EIF4G3: variants seen among roughly 807,000 people sequenced by gnomAD.
The protein encoded by EIF4G3 is eIF-4-gamma 3.
EIF4G3 carries 34 observed loss-of-function variants against 186.4 expected under a neutral mutation model. The observed-to-expected ratio is 0.18, with a 90% CI of 0.14 to 0.24. The LOEUF is 0.24. Among genes scored for constraint, EIF4G3 ranks in the 10% least tolerant of loss-of-function variants. The pLI, the probability that EIF4G3 is intolerant of heterozygous loss-of-function variation, is 1.00. For synonymous variants in EIF4G3, 673 were observed against 679.5 expected, an observed-to-expected ratio of 0.99 and a Z score of 0.15; for missense variants, 1,536 against 1,948.5, an observed-to-expected ratio of 0.79 and a Z score of 3.99.
intron 18 of EIF4G3, among the ~76,000 whole-genome samples, chr1:20,891,352 G>T (rs1326906968): frequency 6.6e-6 from 1 of 151,662 alleles, no homozygotes; most frequent in Non-Finnish European, 1.5e-5. Flanking sequence ...ATTATCCACA[G>T]AATATTCAAA....
intron 31 of EIF4G3, among the ~76,000 whole-genome samples, chr1:20,828,896 G>A (rs1299675143): frequency 2.0e-5 from 3 of 152,114 alleles, no homozygotes; most frequent in Non-Finnish European, 2.9e-5. Context: ...CCAGTTACAC[G>A]ATTCTGGAGC....
Position 21,176,886 on chromosome 1 carries a change from G to T in EIF4G3, c.-620C>A. On this transcript the variant is annotated 5_prime_UTR_variant, in exon 1 of 37. Coordinates refer to ENST00000602326, the MANE Select transcript of EIF4G3 (RefSeq NM_001391906.1). ...GCGCTGTGGCCGCCTCCAGCAGTCCGGCAGGACGGCTGCTCGGAAAACTTC... is the reference window on the plus strand; with the variant it reads ...GCGCTGTGGCCGCCTCCAGCAGTCCTGCAGGACGGCTGCTCGGAAAACTTC... 1 of 692,392 alleles carries T rather than the reference G, an allele frequency of 1.4e-6. No individual in the cohort carries two copies. Among genetic ancestry groups the T allele is most frequent in the Non-Finnish European group, 2.6e-6 (1 of 379,442 alleles). The allele number at this position is 692,392 out of a possible 1,614,324, so 42.9% of individuals were successfully genotyped here.
chr1:20,866,077 C>T (rs780032340), intron 20 of EIF4G3, among the ~76,000 whole-genome samples: 1 of 152,156 alleles, frequency 6.6e-6, no homozygotes, highest in Non-Finnish European at 1.5e-5. Flanking sequence ...ACAGCTATTT[C>T]ATAATATGAT....
chr1:20,874,534 C>A (rs780421628), intron 20 of EIF4G3, among the ~76,000 whole-genome samples: 7 of 152,054 alleles, frequency 4.6e-5, no homozygotes, highest in Non-Finnish European at 1.5e-5. Flanking sequence ...ATTTTCATTT[C>A]TATGAACTGC....
rs574834202 is a variant in EIF4G3 at position 21,141,501 on chromosome 1, A to G, written c.-272+34674T>C. On this transcript the variant is annotated intron_variant, in intron 2 of 36. Transcript: ENST00000602326. The stretch of plus-strand genomic sequence containing the variant: ...AAGAGAAAAAAAAAAAAAAAACAAG[A>G]TCCTGCTTACTTAGTAATTACAACA... Among the ~76,000 whole-genome samples the G allele has an allele frequency of 1.2e-4, 18 of 151,542 alleles. 1 individual carries two copies. The South Asian group carries it at 3.7e-3, about 32-fold the overall frequency.
chr1:21,055,177 T>C (rs1023064506), intron 3 of EIF4G3, among the ~76,000 whole-genome samples: 3 of 152,170 alleles, frequency 2.0e-5, no homozygotes, highest in Non-Finnish European at 4.4e-5. Flanking sequence ...ACAACAAAGC[T>C]TATGAATTTA....
intron 4 of EIF4G3, among the ~76,000 whole-genome samples, chr1:21,017,365 A>G (rs1229202431): frequency 1.3e-5 from 2 of 152,088 alleles, no homozygotes; most frequent in African/African-American, 4.8e-5. Flanking sequence ...GCAGTGGCTC[A>G]CGCCTGTAAT....
rs1056149538 is a variant in EIF4G3, at chr1:20,839,231, C to T, written c.4061+1625G>A. Among the ~76,000 whole-genome samples the T allele has an allele frequency of 3.9e-5, 6 of 152,076 alleles. No individual in the cohort carries two copies. The East Asian group carries it at 1.2e-3, about 29-fold the overall frequency. On this transcript the variant is annotated intron_variant, in intron 30 of 36. Transcript: ENST00000602326. ...TGACCTTGTGATCCACCCGCCTCGG[C>T]CTCCCAAAGTGCTGGGATTACAGGT...
At chr1:21,135,892 AAAG>A (rs2097232181) in intron 2 of EIF4G3, among the ~76,000 whole-genome samples, 1 of 152,228 alleles carries the variant, frequency 6.6e-6, no homozygotes, top group South Asian at 2.1e-4. Flanking sequence ...AAGCAGAAAC[AAAG>A]AACACAGGCC....
chr1:21,061,302 T>C (rs2094900982), intron 3 of EIF4G3, among the ~76,000 whole-genome samples: 3 of 152,198 alleles, frequency 2.0e-5, no homozygotes. Context: ...AGCATCATGT[T>C]GGCACTCCAA....
intron 32 of EIF4G3, among the ~76,000 whole-genome samples, chr1:20,827,273 T>C (rs1193055774): frequency 2.0e-5 from 3 of 152,230 alleles, no homozygotes; most frequent in African/African-American, 7.2e-5. Flanking sequence ...CAGCCTGCCA[T>C]AGACTGACAG....
intron 24 of EIF4G3, 109 bp from the exon 25 acceptor site, chr1:20,857,606 TA>T: frequency 2.1e-6 from 2 of 930,474 alleles, no homozygotes; most frequent in Non-Finnish European, 1.8e-6. Context: ...CAGAAGATGT[TA>T]AAGCATTGAT....
chr1:21,112,083 A>C (rs1419967750), intron 2 of EIF4G3, among the ~76,000 whole-genome samples: 1 of 152,216 alleles, frequency 6.6e-6, no homozygotes. Flanking sequence ...ACTCTTCTCC[A>C]AAGGCCTCCA....
chr1:20,941,766 G>A lies in EIF4G3; in HGVS notation c.1388C>T (p.Thr463Ile), dbSNP rs1455118062. The change falls in exon 14 of 37, where the codon ACC (threonine) becomes ATC (isoleucine). Residue 463 changes from threonine (T) to isoleucine (I), a missense_variant. Physicochemically the swap from Thr to Ile is moderately conservative, Grantham distance 89 (BLOSUM62 -1). Transcript: ENST00000602326. ...MKLECIPAPI[T>I]PSTVPSFPPT... ...AGGAAAGGAAGGAACTGTGGAAGGG[G>A]TGATGGGAGCTGGGATACACTCCAG... 2.5e-6 allele frequency: 4 copies of A among 1,612,052 alleles called. No homozygotes were observed. Among genetic ancestry groups the A allele is most frequent in the African/African-American group, 2.7e-5 (2 of 74,958 alleles).
chr1:20,972,850 C>A, intron 11 of EIF4G3, 152 bp downstream of exon 11: 1 of 578,546 alleles, frequency 1.7e-6, no homozygotes, highest in Non-Finnish European at 2.9e-6. Flanking sequence ...CATACAAATC[C>A]TCCAGGTGAA....
At chr1:21,169,904 C>T (rs575063542) in intron 2 of EIF4G3, among the ~76,000 whole-genome samples, 3 of 152,196 alleles carry the variant, frequency 2.0e-5, no homozygotes, top group South Asian at 2.1e-4. Context: ...AGGCCAGGCA[C>T]GGTGGCTCAA....
At chr1:20,815,649 T>TCGG (rs1269141533) in intron 34 of EIF4G3, among the ~76,000 whole-genome samples, 6 of 127,210 alleles carry the variant, frequency 4.7e-5, no homozygotes, top group African/African-American at 1.8e-4. Flanking sequence ...GGGAGGGAGG[T>TCGG]GGGGGGGGGT....
At chr1:20,917,028 A>C (rs2154559130) in intron 14 of EIF4G3, among the ~76,000 whole-genome samples, 1 of 152,364 alleles carries the variant, frequency 6.6e-6, no homozygotes, top group South Asian at 2.1e-4. Flanking sequence ...GTCCATACAA[A>C]GACTTGTACA....
At chr1:20,929,808 AG>A (rs1354274053) in intron 14 of EIF4G3, among the ~76,000 whole-genome samples, 2 of 152,232 alleles carry the variant, frequency 1.3e-5, no homozygotes, top group African/African-American at 2.4e-5. Flanking sequence ...GGTAAGACTC[AG>A]GAGTGTTTGA....
Sources: allele counts gnomAD v4.1 joint callset (sites outside exome capture counted in the v4.1 genomes callset), GRCh38; gene constraint gnomAD v4.1.1; transcripts MANE v1.5; gene names NCBI Gene and HGNC (gene_info 2026-07-23, HGNC 2026-07-21).